GLIS1: variants seen among roughly 807,000 people sequenced by gnomAD.
GLIS1 encodes zinc finger protein GLIS1.
A neutral mutation model predicts 63.8 loss-of-function variants in GLIS1; 24 were observed. The observed-to-expected ratio is 0.38, with a 90% CI of 0.27 to 0.53. The LOEUF (loss-of-function observed/expected upper bound fraction) is 0.53. Among genes scored for constraint, GLIS1 ranks in the 20% least tolerant of loss-of-function variants. The probability of loss-of-function intolerance (pLI) is 0.85; values close to 1 mark genes in which losing one functional copy is unlikely to be tolerated. For synonymous variants in GLIS1, 450 were observed against 482.5 expected, an observed-to-expected ratio of 0.93 and a Z score of 0.88; for missense variants, 1,036 against 1,074.1, an observed-to-expected ratio of 0.96 and a Z score of 0.50.
chr1:53,702,476 T>G (rs1343343363), intron 2 of GLIS1, among the ~76,000 whole-genome samples: 2 of 152,154 alleles, frequency 1.3e-5, no homozygotes, highest in East Asian at 3.9e-4. Context: ...TGTGGCCTCC[T>G]GGGAGAGGGT....
intron 2 of GLIS1, among the ~76,000 whole-genome samples, chr1:53,725,478 A>G (rs1335333900): frequency 6.6e-6 from 1 of 152,218 alleles, no homozygotes; most frequent in Non-Finnish European, 1.5e-5. Flanking sequence ...CATGAGGCTG[A>G]GACTGGCTGG....
chr1:53,606,584 C>G (rs144704446), intron 2 of GLIS1, among the ~76,000 whole-genome samples: 85 of 152,326 alleles, frequency 5.6e-4, no homozygotes, highest in African/African-American at 2.0e-3. Flanking sequence ...TCGTCACTCC[C>G]TCTTTTCCCT....
Position 53,594,737 on chromosome 1 carries a change from G to A in GLIS1, c.691C>T (p.His231Tyr). The change falls in exon 4 of 11, where the codon CAC (histidine) becomes TAC (tyrosine). Residue 231 changes from histidine (H) to tyrosine (Y), a missense_variant. By Grantham distance (83) the His-to-Tyr change is moderately conservative (BLOSUM62 2). This residue lies in a region of GLIS1 where 592 missense variants were observed against 593.9 expected (regional missense o/e 1.00). Coordinates refer to ENST00000628545, the MANE Select transcript of GLIS1 (RefSeq NM_001367484.1). ...CGCTTCAGGCTGCCCTCGGGGAGGT[G>A]GGTCTCGGGCTGGAGGCCCAGGCCA... ...SSGLGLQPETHLPEGSLKRCC... is the reference protein window; with the variant it reads ...SSGLGLQPETYLPEGSLKRCC... 1.3e-6 allele frequency: 2 copies of A among 1,573,616 alleles called. No individual in the cohort carries two copies. The highest frequency in any genetic ancestry group is 1.2e-5 in the South Asian group (1 of 84,080).
At chr1:53,738,176 T>C in intron 1 of GLIS1, 70 bp from the exon 2 acceptor site, 1 of 948,222 alleles carries the variant, frequency 1.1e-6, no homozygotes, top group Non-Finnish European at 1.4e-6. Context: ...GGGGCCGAGT[T>C]TGAGCAGGTC....
At chr1:53,519,506 TTCTGATACTGTGG>T (rs1187649744) in intron 7 of GLIS1, among the ~76,000 whole-genome samples, 1 of 152,258 alleles carries the variant, frequency 6.6e-6, no homozygotes, top group Non-Finnish European at 1.5e-5. Context: ...AGAAAGTCTG[TTCTGATACTGTGG>T]TTTCTTTAGG....
intron 2 of GLIS1, among the ~76,000 whole-genome samples, chr1:53,697,703 C>G (rs1315676553): frequency 6.6e-6 from 1 of 152,240 alleles, no homozygotes; most frequent in Non-Finnish European, 1.5e-5. Context: ...TTAGCATATA[C>G]TCGGTGCGGA....
chr1:53,518,055 T>C (rs978564920), intron 7 of GLIS1, among the ~76,000 whole-genome samples: 2 of 152,230 alleles, frequency 1.3e-5, no homozygotes, highest in African/African-American at 2.4e-5. Flanking sequence ...GCTTAACCTC[T>C]GGCCCTAACA....
At chr1:53,609,835 T>C (rs1645408605) in intron 2 of GLIS1, among the ~76,000 whole-genome samples, 2 of 152,236 alleles carry the variant, frequency 1.3e-5, no homozygotes, top group South Asian at 4.1e-4. Context: ...CTATGTGGCA[T>C]ACATGATCAC....
At chr1:53,576,851 C>T (rs1411430707) in intron 4 of GLIS1, among the ~76,000 whole-genome samples, 1 of 152,134 alleles carries the variant, frequency 6.6e-6, no homozygotes, top group Admixed American at 6.5e-5. Flanking sequence ...TCAGTTTTCC[C>T]TCAAATGTCC....
chr1:53,620,574 G>A (rs1168761181), intron 2 of GLIS1, among the ~76,000 whole-genome samples: 2 of 152,230 alleles, frequency 1.3e-5, no homozygotes, highest in Admixed American at 6.5e-5. Context: ...TCCACGCACC[G>A]TAAACATTCT....
rs751807879 is a variant in GLIS1, at chr1:53,714,953, G to A, written c.259+22853C>T. ...TTTATGTATTTATTTACTTGAGACAGAGTCTCACTCTGAAGTGCAATGGCA... is the reference window on the plus strand; with the variant it reads ...TTTATGTATTTATTTACTTGAGACAAAGTCTCACTCTGAAGTGCAATGGCA... On this transcript the variant is annotated intron_variant, in intron 2 of 10. Coordinates refer to ENST00000628545, the MANE Select transcript of GLIS1 (RefSeq NM_001367484.1). Among the ~76,000 whole-genome samples, 142 of 152,324 alleles carry A rather than the reference G, an allele frequency of 9.3e-4. 2 individuals carry two copies. The highest frequency in any genetic ancestry group is 3.4e-3 in the Middle Eastern group (1 of 294).
At chr1:53,698,048 C>T (rs1285021905) in intron 2 of GLIS1, among the ~76,000 whole-genome samples, 2 of 152,140 alleles carry the variant, frequency 1.3e-5, no homozygotes, top group African/African-American at 4.8e-5. Context: ...TCTGTGCTGC[C>T]CAGGCCAACA....
At chr1:53,605,628 C>G (rs964002340) in intron 2 of GLIS1, among the ~76,000 whole-genome samples, 5 of 152,232 alleles carry the variant, frequency 3.3e-5, no homozygotes, top group African/African-American at 9.7e-5. Flanking sequence ...CCCCTACGAG[C>G]CTGAGAAATC....
chr1:53,625,540 A>C (rs1645585522), intron 2 of GLIS1, among the ~76,000 whole-genome samples: 1 of 152,222 alleles, frequency 6.6e-6, no homozygotes, highest in Admixed American at 6.5e-5. Flanking sequence ...TCATTCAAAA[A>C]ACATTGATTG....
chr1:53,605,530 C>T (rs1645361274), intron 2 of GLIS1, among the ~76,000 whole-genome samples: 1 of 152,194 alleles, frequency 6.6e-6, no homozygotes, highest in South Asian at 2.1e-4. Context: ...CCAAATCCTT[C>T]CCATGGTTTT....
chr1:53,549,847 C>T (rs1218256591), intron 4 of GLIS1, among the ~76,000 whole-genome samples: 1 of 152,170 alleles, frequency 6.6e-6, no homozygotes, highest in African/African-American at 2.4e-5. Flanking sequence ...AATATCATCC[C>T]CATATTACCA....
intron 2 of GLIS1, among the ~76,000 whole-genome samples, chr1:53,614,597 G>A (rs1645459574): frequency 6.6e-6 from 1 of 152,190 alleles, no homozygotes; most frequent in Admixed American, 6.5e-5. Flanking sequence ...GGTGGGAAAC[G>A]CTCTCTGAGT....
In GLIS1 at chr1:53,654,189, T is replaced by C. The variant is rs143692146; in HGVS notation, c.260-53911A>G. On this transcript the variant is annotated intron_variant, in intron 2 of 10. Transcript: ENST00000628545. Reference sequence around the variant, plus strand: ...CACCCTTCCCTTCAACAAATACTTATTGAGCACTCCTCTGTGCCAGGCACG... The same window carrying C: ...CACCCTTCCCTTCAACAAATACTTACTGAGCACTCCTCTGTGCCAGGCACG... Among the ~76,000 whole-genome samples the C allele has an allele frequency of 3.0e-3, 453 of 152,324 alleles. 2 individuals are homozygous for C. The highest frequency in any genetic ancestry group is 0.019 in the South Asian group (90 of 4,828).
rs141617088 is a variant in GLIS1, at chr1:53,600,141, G to T, written c.397C>A (p.Gln133Lys). Residue 133 changes from glutamine (Q) to lysine (K), a missense_variant, in exon 3 of 11, where the codon CAA becomes AAA. By Grantham distance (53) the Gln-to-Lys change is moderately conservative (BLOSUM62 1). This residue lies in a region of GLIS1 where 592 missense variants were observed against 593.9 expected (regional missense o/e 1.00). Transcript: ENST00000628545. ...AGSPPPRAHP[Q>K]ACERLLHFPH... ...AAATGCAGCAGCCTCTCACAAGCTT[G>T]GGGGTGAGCCCGGGGCGGTGGGCTT... 6.5e-6 allele frequency: 8 copies of T among 1,231,246 alleles called. No individual in the cohort carries two copies. In the Admixed American group the frequency reaches 1.3e-4, roughly 19 times the overall value. The allele number at this position is 1,231,246 out of a possible 1,614,324, so 76.3% of individuals were successfully genotyped here.
Sources: gnomAD v4.1 joint callset for allele counts (sites outside exome capture counted in the v4.1 genomes callset) on GRCh38, gnomAD v4.1.1 for gene constraint, gnomAD v4.1.1 regional missense constraint, MANE v1.5 for transcripts, NCBI Gene and HGNC (gene_info 2026-07-23, HGNC 2026-07-21) for gene names.